The following ARL8B variants were observed in gnomAD, a reference collection of about 807,000 sequenced individuals.
The protein encoded by ARL8B is ARF like GTPase 8B.
ARL8B carries 9 observed loss-of-function variants against 30.6 expected under a neutral mutation model. The ratio of observed to expected loss-of-function variants is 0.29; its 90% confidence interval spans 0.18 to 0.51. ARL8B has a LOEUF of 0.51. Among genes scored for constraint, ARL8B ranks in the 20% least tolerant of loss-of-function variants. The pLI is 0.97. For synonymous variants in ARL8B, 74 were observed against 76.0 expected (o/e 0.97, Z 0.14); for missense variants, 130 against 227.2 (o/e 0.57, Z 2.75).
intron 6 of ARL8B, among the ~76,000 whole-genome samples, chr3:5,177,808 C>A (rs139692130): frequency 1.8e-4 from 27 of 152,270 alleles, no homozygotes; most frequent in African/African-American, 6.5e-4. Flanking sequence ...TACCTTTCTC[C>A]CATTCAGTTC....
chr3:5,148,825 GGGTT>G (rs368260270), intron 1 of ARL8B, among the ~76,000 whole-genome samples: 124 of 152,286 alleles, frequency 8.1e-4, no homozygotes, highest in African/African-American at 2.9e-3. Context: ...CCTGGTTCAA[GGGTT>G]GTCCCTTCAA....
chr3:5,136,259 T>C (rs894051316), intron 1 of ARL8B, among the ~76,000 whole-genome samples: 3 of 152,196 alleles, frequency 2.0e-5, no homozygotes, highest in Admixed American at 2.0e-4. Context: ...TATTATTCTT[T>C]TGGCCCTCTT....
chr3:5,128,962 G>A (rs1454685736), intron 1 of ARL8B, among the ~76,000 whole-genome samples: 2 of 152,044 alleles, frequency 1.3e-5, no homozygotes, highest in Non-Finnish European at 2.9e-5. Flanking sequence ...GGTATGTCTT[G>A]TGGATATGCC....
At chr3:5,151,722 C>G (rs1391326374) in intron 1 of ARL8B, among the ~76,000 whole-genome samples, 2 of 102,230 alleles carry the variant, frequency 2.0e-5, no homozygotes, top group African/African-American at 7.8e-5. Flanking sequence ...TCTCCCCCCA[C>G]CCCCCCCCTT....
intron 1 of ARL8B, among the ~76,000 whole-genome samples, chr3:5,154,784 C>G (rs1273619939): frequency 1.3e-5 from 2 of 152,212 alleles, no homozygotes; most frequent in African/African-American, 4.8e-5. Context: ...GATCTTGGCT[C>G]ACTGCAACCT....
intron 1 of ARL8B, among the ~76,000 whole-genome samples, chr3:5,163,641 G>A (rs1043213685): frequency 6.6e-6 from 1 of 152,172 alleles, no homozygotes; most frequent in African/African-American, 2.4e-5. Context: ...AGGCCGAGGT[G>A]GGTGGATCAC....
intron 1 of ARL8B, among the ~76,000 whole-genome samples, chr3:5,140,359 C>T (rs1402258951): frequency 6.6e-6 from 1 of 152,054 alleles, no homozygotes; most frequent in Non-Finnish European, 1.5e-5. Context: ...AGGGGAAACC[C>T]CTTTTGCATG....
At chr3:5,159,283 G>A (rs972048601) in intron 1 of ARL8B, among the ~76,000 whole-genome samples, 5 of 116,944 alleles carry the variant, frequency 4.3e-5, no homozygotes, top group South Asian at 3.2e-4. Flanking sequence ...TTGGGTGACA[G>A]AGTGACTCTG....
intron 1 of ARL8B, among the ~76,000 whole-genome samples, chr3:5,152,838 C>T (rs2054496483): frequency 6.6e-6 from 1 of 152,128 alleles, no homozygotes; most frequent in Non-Finnish European, 1.5e-5. Context: ...TAAAAAAATA[C>T]ATTTTGACAG....
Position 5,180,147 on chromosome 3 carries a change from G to C in ARL8B, c.*1434G>C, listed in dbSNP as rs933173817. ...TTTCCAAATGTGTTGAGCACTCAGA[G>C]TGTAGTCAACAGTAAGTTCTTTTAA... On this transcript the variant is annotated 3_prime_UTR_variant, in exon 7 of 7. Coordinates refer to ENST00000256496, the MANE Select transcript of ARL8B (RefSeq NM_018184.3). 3 of 152,628 alleles carry C rather than the reference G, an allele frequency of 2.0e-5. No homozygotes were observed. Among genetic ancestry groups the C allele is most frequent in the Admixed American group, 6.5e-5 (1 of 15,276 alleles). 9.5% of individuals were successfully genotyped at this position (152,628 alleles called of 1,614,324 possible).
Position 5,122,570 on chromosome 3 carries a change from C to G in ARL8B, c.105C>G (p.Thr35=). ...GGCTGCAGTACTCGGGCAAGACCAC[C>G]TTCGTCAATGTCATCGCGGTGAGCG... ...LVGLQYSGKT[T]FVNVIASGQF... Residue 35 remains threonine (T), a synonymous_variant, in exon 1 of 7, where the codon ACC becomes ACG. Transcript: ENST00000256496. 6.2e-7 allele frequency: 1 copy of G among 1,605,794 alleles called. No individual in the cohort carries two copies. The highest frequency in any genetic ancestry group is 8.5e-7 in the Non-Finnish European group (1 of 1,174,912).
intron 1 of ARL8B, among the ~76,000 whole-genome samples, chr3:5,129,710 C>A (rs185273652): frequency 8.5e-5 from 13 of 152,176 alleles, no homozygotes; most frequent in Non-Finnish European, 1.5e-4. Flanking sequence ...CTACGCCTGG[C>A]TAATTTTTTT....
chr3:5,144,541 G>T (rs1469639997), intron 1 of ARL8B, among the ~76,000 whole-genome samples: 3 of 152,236 alleles, frequency 2.0e-5, no homozygotes, highest in East Asian at 1.9e-4. Flanking sequence ...CTCATCAGGG[G>T]TTTACTTATT....
intron 1 of ARL8B, among the ~76,000 whole-genome samples, chr3:5,139,260 T>G (rs1394454095): frequency 6.6e-6 from 1 of 152,194 alleles, no homozygotes; most frequent in Admixed American, 6.5e-5. Flanking sequence ...ACAGGTGCCA[T>G]GGTTTGCTTC....
chr3:5,142,479 A>G (rs2054382870), intron 1 of ARL8B, among the ~76,000 whole-genome samples: 1 of 152,168 alleles, frequency 6.6e-6, no homozygotes, highest in Non-Finnish European at 1.5e-5. Context: ...CTTCAGGATC[A>G]GTATCCCATC....
At chr3:5,137,794 TGCCCA>T (rs1387702277) in intron 1 of ARL8B, among the ~76,000 whole-genome samples, 5 of 152,078 alleles carry the variant, frequency 3.3e-5, no homozygotes, top group Non-Finnish European at 7.4e-5. Flanking sequence ...CTCACTGTGT[TGCCCA>T]GGCTGGTTCA....
At chr3:5,123,003 A>G (rs1301220766) in intron 1 of ARL8B, among the ~76,000 whole-genome samples, 7 of 152,182 alleles carry the variant, frequency 4.6e-5, no homozygotes, top group Non-Finnish European at 1.0e-4. Flanking sequence ...CAGCCGTACG[A>G]GAAAGCGTAA....
intron 1 of ARL8B, among the ~76,000 whole-genome samples, chr3:5,151,104 T>A (rs1230161746): frequency 6.6e-6 from 1 of 152,226 alleles, no homozygotes; most frequent in African/African-American, 2.4e-5. Context: ...ATTTTAATTA[T>A]CTTTTTAGAG....
In ARL8B at chr3:5,172,282, GTTTAT is replaced by G. The variant is rs966158055; in HGVS notation, c.278+64_278+68del. ...ATCAATGTAGGCATCAAAGAAGAAA[GTTTAT>G]TTTAGTATTTCCAGAGGCTCAATTT... On this transcript the variant is annotated intron_variant, in intron 3 of 6. Transcript: ENST00000256496. 18 of 1,440,826 alleles carry G rather than the reference GTTTAT, an allele frequency of 1.2e-5. No individual in the cohort carries two copies. In the African/African-American group the frequency reaches 2.1e-4, roughly 17 times the overall value. The allele number at this position is 1,440,826 out of a possible 1,614,324, so 89.3% of individuals were successfully genotyped here.
Sources: allele counts gnomAD v4.1 joint callset (sites outside exome capture counted in the v4.1 genomes callset), GRCh38; gene constraint gnomAD v4.1.1; transcripts MANE v1.5; gene names NCBI Gene and HGNC (gene_info 2026-07-23, HGNC 2026-07-21).